Variants in NCOA3 observed in about 807,000 individuals in gnomAD.
The protein encoded by NCOA3 is CBP-interacting protein.
A neutral mutation model predicts 158.8 loss-of-function variants in NCOA3; 51 were observed. The ratio of observed to expected loss-of-function variants is 0.32; its 90% CI spans 0.26 to 0.41. The LOEUF is 0.41. Among genes scored for constraint, NCOA3 ranks in the 10% least tolerant of loss-of-function variants. The pLI, the probability that NCOA3 is intolerant of heterozygous loss-of-function variation, is 1.00. For synonymous variants in NCOA3, 537 were observed against 592.4 expected, an observed-to-expected ratio of 0.91 and a Z score of 1.36; for missense variants, 1,510 against 1,746.6, an observed-to-expected ratio of 0.86 and a Z score of 2.41.
At position 47,639,152 on chromosome 20, in the gene NCOA3, G is replaced by T; in HGVS notation, c.2657G>T (p.Gly886Val). The change falls in exon 14 of 23, where the codon GGT becomes GTT. Residue 886 changes from glycine (G) to valine (V), a missense_variant. Gly to Val is a moderately radical substitution (Grantham distance 109). Transcript: ENST00000371998. ...ATGTTACCAAAGCAACCCATGTTGGGTGGGAATCCAAGAATGATGGATAGT... is the reference window on the plus strand; with the variant it reads ...ATGTTACCAAAGCAACCCATGTTGGTTGGGAATCCAAGAATGATGGATAGT... ...FPMLPKQPML[G>V]GNPRMMDSQE... 6.2e-7 allele frequency: 1 copy of T among 1,614,158 alleles called. No homozygotes were observed. The highest frequency in any genetic ancestry group is 8.5e-7 in the Non-Finnish European group (1 of 1,180,024).
Position 47,639,130 on chromosome 20 carries a change from T to C in NCOA3, c.2635T>C (p.Leu879=), listed in dbSNP as rs1436184184. Residue 879 remains leucine, a synonymous_variant, in exon 14 of 23, where the codon TTA becomes CTA. Coordinates refer to ENST00000371998, the MANE Select transcript of NCOA3 (RefSeq NM_181659.3). The part of the protein sequence containing the change: ...PVKNISAFPM[L]PKQPMLGGNP... The stretch of plus-strand genomic sequence containing the variant: ...AAAAAATATCAGTGCTTTCCCCATG[T>C]TACCAAAGCAACCCATGTTGGGTGG... 6 of 1,614,102 alleles carry C rather than the reference T, an allele frequency of 3.7e-6. No individual in the cohort carries two copies. In the African/African-American group the frequency reaches 4.0e-5, roughly 11 times the overall value.
At chr20:47,578,566 T>A (rs990670608) in intron 1 of NCOA3, among the ~76,000 whole-genome samples, 1 of 152,248 alleles carries the variant, frequency 6.6e-6, no homozygotes, top group Non-Finnish European at 1.5e-5. Flanking sequence ...ACAGATTAGC[T>A]GTAGTTGATT....
At chr20:47,638,953 T>G (rs1602527085) in intron 13 of NCOA3, 55 bp from the exon 14 acceptor site, 1 of 1,409,230 alleles carries the variant, frequency 7.1e-7, no homozygotes, top group East Asian at 2.4e-5. Flanking sequence ...GTTTTGTACT[T>G]GATTATTTAT....
rs988744838 is a variant in NCOA3, at chr20:47,633,410, A to G, written c.824-86A>G. 2.6e-5 allele frequency: 32 copies of G among 1,253,268 alleles called. No homozygotes were observed. The Admixed American group carries it at 5.7e-4, about 22-fold the overall frequency. The allele number at this position is 1,253,268 out of a possible 1,614,324, so 77.6% of individuals were successfully genotyped here. On this transcript the variant is annotated intron_variant, in intron 8 of 22. Coordinates refer to ENST00000371998, the MANE Select transcript of NCOA3 (RefSeq NM_181659.3). ...GCAAAGATTTAATATCTTTTATTTT[A>G]TTCTCCAGTGCTAAGCCATGTGTAG...
In NCOA3 at chr20:47,624,066, G is replaced by A. The variant is rs751452957; in HGVS notation, c.239G>A (p.Arg80His). 6 of 1,605,158 alleles carry A rather than the reference G, an allele frequency of 3.7e-6. No homozygotes were observed. The highest frequency in any genetic ancestry group is 2.2e-5 in the South Asian group (2 of 89,746). ...AILKETVRQIRQIKEQGKTIS... is the reference protein window; with the variant it reads ...AILKETVRQIHQIKEQGKTIS... ...TTAAAGGAAACAGTAAGACAGATAC[G>A]TCAAATAAAAGAGCAAGGTAATAAA... Residue 80 changes from arginine (R) to histidine (H), a missense_variant, in exon 4 of 23, where the codon CGT becomes CAT. Coordinates refer to ENST00000371998, the MANE Select transcript of NCOA3 (RefSeq NM_181659.3).
chr20:47,631,993 G>T (rs1401211734), intron 8 of NCOA3, among the ~76,000 whole-genome samples: 1 of 152,180 alleles, frequency 6.6e-6, no homozygotes, highest in African/African-American at 2.4e-5. Flanking sequence ...TTTTAGTTTG[G>T]ACAGTTTCTA....
intron 2 of NCOA3, among the ~76,000 whole-genome samples, chr20:47,615,034 T>G (rs1358079920): frequency 6.6e-6 from 1 of 152,200 alleles, no homozygotes; most frequent in African/African-American, 2.4e-5. Flanking sequence ...TTGATACATA[T>G]TTTGTTGGTT....
At chr20:47,645,244 G>C (rs1275529799) in intron 17 of NCOA3, among the ~76,000 whole-genome samples, 1 of 151,962 alleles carries the variant, frequency 6.6e-6, no homozygotes, top group Non-Finnish European at 1.5e-5. Flanking sequence ...CTGTACCTTT[G>C]TCGGGTAGGT....
chr20:47,600,943 A>G (rs527810387), intron 2 of NCOA3, among the ~76,000 whole-genome samples: 7 of 152,362 alleles, frequency 4.6e-5, no homozygotes, highest in African/African-American at 1.7e-4. Flanking sequence ...GGATGCTTTC[A>G]AAAGACAATT....
At chr20:47,532,026 T>A (rs981445321) in intron 1 of NCOA3, among the ~76,000 whole-genome samples, 4 of 152,064 alleles carry the variant, frequency 2.6e-5, no homozygotes, top group African/African-American at 7.2e-5. Context: ...GTGCTAGCCA[T>A]GTGTTGCCTA....
intron 1 of NCOA3, among the ~76,000 whole-genome samples, chr20:47,551,893 T>C (rs1452607173): frequency 2.6e-5 from 4 of 152,250 alleles, no homozygotes; most frequent in Non-Finnish European, 4.4e-5. Flanking sequence ...TAAACATTTT[T>C]TAAAAGTAAA....
intron 1 of NCOA3, among the ~76,000 whole-genome samples, chr20:47,574,487 GA>G (rs979842569): frequency 7.3e-6 from 1 of 137,876 alleles, no homozygotes; most frequent in African/African-American, 3.0e-5. Context: ...TGTATATTTT[GA>G]TTTTTTTTTT....
At chr20:47,598,836 G>A (rs911052802) in intron 2 of NCOA3, among the ~76,000 whole-genome samples, 1 of 152,144 alleles carries the variant, frequency 6.6e-6, no homozygotes, top group African/African-American at 2.4e-5. Flanking sequence ...AAGCAATGAA[G>A]TACAGTCATG....
At chr20:47,609,413 A>C (rs1022721910) in intron 2 of NCOA3, among the ~76,000 whole-genome samples, 4 of 152,184 alleles carry the variant, frequency 2.6e-5, no homozygotes, top group Non-Finnish European at 5.9e-5. Flanking sequence ...GATATTCTCT[A>C]ATAATAATGA....
chr20:47,630,183 C>G (rs1166564400), intron 8 of NCOA3: 1 of 152,178 alleles, frequency 6.6e-6, no homozygotes, highest in Non-Finnish European at 1.5e-5. Flanking sequence ...GGTATTTACT[C>G]TTTCCCAGAA....
chr20:47,622,300 GCAAATTGC>G lies in NCOA3; in HGVS notation c.56_63del (p.Lys19MetfsTer2). 6.2e-7 allele frequency: 1 copy of G among 1,606,126 alleles called. No individual in the cohort carries two copies. The highest frequency in any genetic ancestry group is 8.5e-7 in the Non-Finnish European group (1 of 1,176,646). ...CCACTGGCCAGTGATTCACGAAAAC[GCAAATTGC>G]CATGTGATACTCCAGGACAAGGGTA... On this transcript the variant is annotated frameshift_variant, in exon 3 of 23. Coordinates refer to ENST00000371998, the MANE Select transcript of NCOA3 (RefSeq NM_181659.3). LOFTEE classifies it high-confidence loss of function.
At chr20:47,538,268 CA>C (rs1369457031) in intron 1 of NCOA3, among the ~76,000 whole-genome samples, 1 of 152,170 alleles carries the variant, frequency 6.6e-6, no homozygotes, top group African/African-American at 2.4e-5. Flanking sequence ...TGACTTGACA[CA>C]AGTCTTTTGG....
intron 1 of NCOA3, among the ~76,000 whole-genome samples, chr20:47,568,905 G>T (rs936589194): frequency 6.6e-6 from 1 of 152,046 alleles, no homozygotes; most frequent in Non-Finnish European, 1.5e-5. Flanking sequence ...GATGCTGACT[G>T]ATCAGGGTGG....
intron 2 of NCOA3, among the ~76,000 whole-genome samples, chr20:47,612,663 A>G (rs941010484): frequency 3.3e-5 from 5 of 152,242 alleles, no homozygotes; most frequent in Non-Finnish European, 5.9e-5. Context: ...ACTGAAGCCA[A>G]ATTCAGGTTT....
Sources: allele counts gnomAD v4.1 joint callset (sites outside exome capture counted in the v4.1 genomes callset), GRCh38; gene constraint gnomAD v4.1.1; transcripts MANE v1.5; gene names NCBI Gene and HGNC (gene_info 2026-07-23, HGNC 2026-07-21).